The following ZBTB20 variants were observed in gnomAD, a reference collection of about 807,000 sequenced individuals.
ZBTB20 encodes the protein zinc finger and BTB domain-containing protein 20.
In ZBTB20, 9 loss-of-function variants were observed where a neutral mutation model predicts 56.9. That is an observed-to-expected ratio of 0.16 (90% CI 0.10 to 0.28). ZBTB20 has a LOEUF of 0.28. ZBTB20 is among the 10% of genes least tolerant of loss of function. ZBTB20 has a pLI of 1.00. For synonymous variants in ZBTB20, 417 were observed against 420.7 expected (o/e 0.99, Z 0.11); for missense variants, 655 against 1,003.0 (o/e 0.65, Z 4.69).
At chr3:114,368,210 GA>G (rs1043787860) in intron 10 of ZBTB20, among the ~76,000 whole-genome samples, 13 of 152,194 alleles carry the variant, frequency 8.5e-5, no homozygotes, top group African/African-American at 3.1e-4. Flanking sequence ...TGAGGAAATG[GA>G]AACATAGGGA....
rs183366375 is a variant in ZBTB20 at position 114,828,928 on chromosome 3, T to A, written c.-416-27754A>T. Among the ~76,000 whole-genome samples the A allele has an allele frequency of 9.5e-4, 145 of 152,006 alleles. 2 individuals are homozygous for A. The highest frequency in any genetic ancestry group is 2.1e-3 in the South Asian group (10 of 4,828). On this transcript the variant is annotated intron_variant, in intron 4 of 11. Coordinates refer to ENST00000675478, the MANE Select transcript of ZBTB20 (RefSeq NM_001348800.3). ...ATAGTAGCCCTTTACAATATATGAA[T>A]CTGCATAAAGATGTGTTTTAAATGC...
At chr3:115,054,994 T>C (rs987917418) in intron 2 of ZBTB20, among the ~76,000 whole-genome samples, 2 of 152,068 alleles carry the variant, frequency 1.3e-5, no homozygotes, top group Admixed American at 1.3e-4. Context: ...AAATCAAAAC[T>C]TTTATAGGAG....
At chr3:114,594,902 A>G (rs1349844848) in intron 6 of ZBTB20, among the ~76,000 whole-genome samples, 1 of 152,162 alleles carries the variant, frequency 6.6e-6, no homozygotes, top group African/African-American at 2.4e-5. Context: ...GGGGCAGGAG[A>G]GCATTTGTGT....
chr3:114,875,182 T>C (rs2076148318), intron 4 of ZBTB20, among the ~76,000 whole-genome samples: 1 of 152,136 alleles, frequency 6.6e-6, no homozygotes, highest in African/African-American at 2.4e-5. Flanking sequence ...TTTGCATAAT[T>C]AACCTGATTA....
intron 7 of ZBTB20, among the ~76,000 whole-genome samples, chr3:114,486,365 T>TAAG (rs148453927): frequency 0.01 from 1,534 of 152,208 alleles, 23 homozygotes; most frequent in African/African-American, 0.034. Flanking sequence ...TGGTTCTTTT[T>TAAG]AAGTAAATAG....
chr3:115,057,915 A>G (rs2081866794), intron 2 of ZBTB20, among the ~76,000 whole-genome samples: 1 of 152,254 alleles, frequency 6.6e-6, no homozygotes, highest in African/African-American at 2.4e-5. Flanking sequence ...ATTGACTCAC[A>G]GTTCAGCACA....
chr3:114,543,268 G>GT (rs949840865), intron 6 of ZBTB20, among the ~76,000 whole-genome samples: 17 of 143,066 alleles, frequency 1.2e-4, no homozygotes, highest in East Asian at 2.0e-4. Context: ...ATTTTTTATT[G>GT]TTTTTTTTCC....
intron 6 of ZBTB20, among the ~76,000 whole-genome samples, chr3:114,648,169 CAATT>C (rs890471409): frequency 6.6e-6 from 1 of 151,552 alleles, no homozygotes; most frequent in Non-Finnish European, 1.5e-5. Flanking sequence ...ATTGAGAAAA[CAATT>C]AATTATAATT....
intron 7 of ZBTB20, among the ~76,000 whole-genome samples, chr3:114,499,664 C>A (rs905636822): frequency 6.6e-6 from 1 of 152,114 alleles, no homozygotes; most frequent in Non-Finnish European, 1.5e-5. Context: ...TTTATTTAAA[C>A]CCATTCAGTG....
At chr3:114,615,845 C>T (rs1427838411) in intron 6 of ZBTB20, among the ~76,000 whole-genome samples, 2 of 152,198 alleles carry the variant, frequency 1.3e-5, no homozygotes, top group Non-Finnish European at 2.9e-5. Context: ...CTTGAAGTTC[C>T]TATGACTTAA....
chr3:114,586,748 C>T (rs561814403), intron 6 of ZBTB20, among the ~76,000 whole-genome samples: 1 of 152,228 alleles, frequency 6.6e-6, no homozygotes, highest in East Asian at 1.9e-4. Context: ...AGGTCCTTCA[C>T]CTGAAGTTGC....
intron 7 of ZBTB20, among the ~76,000 whole-genome samples, chr3:114,474,060 C>T (rs540578602): frequency 1.3e-5 from 2 of 152,280 alleles, no homozygotes; most frequent in South Asian, 4.1e-4. Flanking sequence ...AGGGAAACTC[C>T]CCTTTTCAAA....
At chr3:114,685,201 T>G (rs566824114) in intron 6 of ZBTB20, among the ~76,000 whole-genome samples, 2 of 152,154 alleles carry the variant, frequency 1.3e-5, no homozygotes, top group Admixed American at 1.3e-4. Context: ...AAAGCCACCA[T>G]CCAAGACAAG....
At chr3:114,865,427 T>A (rs2075726335) in intron 4 of ZBTB20, among the ~76,000 whole-genome samples, 1 of 152,146 alleles carries the variant, frequency 6.6e-6, no homozygotes, top group African/African-American at 2.4e-5. Context: ...TGGTCCTAGG[T>A]GGCAGATCTT....
intron 7 of ZBTB20, among the ~76,000 whole-genome samples, chr3:114,448,236 A>G (rs1318444726): frequency 6.6e-6 from 1 of 151,944 alleles, no homozygotes; most frequent in Non-Finnish European, 1.5e-5. Context: ...GATTATGGGG[A>G]TGTGCTTCAG....
chr3:114,844,520 C>CAAAAAAAAAAAAAAAAAAAAAAAAAAAAA lies in ZBTB20; in HGVS notation c.-416-43375_-416-43347dup, dbSNP rs71146342. On this transcript the variant is annotated intron_variant, in intron 4 of 11. Transcript: ENST00000675478. ...TGGTTGACAGAGCAAGTCCCTGTCT[C>CAAAAAAAAAAAAAAAAAAAAAAAAAAAAA]AAAAAAAAAAAAAAAAAAAAAAAAA... Among the ~76,000 whole-genome samples the CAAAAAAAAAAAAAAAAAAAAAAAAAAAAA allele has an allele frequency of 1.3e-4, 3 of 22,804 alleles. 1 individual carries two copies. Among genetic ancestry groups the CAAAAAAAAAAAAAAAAAAAAAAAAAAAAA allele is most frequent in the African/African-American group, 7.5e-4 (3 of 4,016 alleles). The allele number at this position is 22,804 out of a possible 152,430, so 15.0% of individuals were successfully genotyped here.
rs949792355 is a variant in ZBTB20, at chr3:114,916,876, G to A, written c.-455-16534C>T. On this transcript the variant is annotated intron_variant, in intron 3 of 11. Coordinates refer to ENST00000675478, the MANE Select transcript of ZBTB20 (RefSeq NM_001348800.3). ...AAATGCTTTGAGATAGTCTTCTTTA[G>A]GTTAAATCTGCTTGGTGTTCTTTAA... is the stretch of plus-strand genomic sequence containing the variant. 3.9e-5 allele frequency among the ~76,000 whole-genome samples: 6 copies of A among 152,064 alleles called. No homozygotes were observed. In the East Asian group the frequency reaches 1.2e-3, roughly 29 times the overall value.
At chr3:114,503,444 T>G (rs2044236654) in intron 6 of ZBTB20, among the ~76,000 whole-genome samples, 1 of 152,222 alleles carries the variant, frequency 6.6e-6, no homozygotes, top group Non-Finnish European at 1.5e-5. Context: ...GCTATGTAAT[T>G]CTGAGAATAT....
intron 7 of ZBTB20, among the ~76,000 whole-genome samples, chr3:114,421,932 C>T (rs570571985): frequency 8.6e-5 from 13 of 151,710 alleles, no homozygotes; most frequent in Non-Finnish European, 7.4e-5. Flanking sequence ...CACTTTGTTT[C>T]GGGCTGTATC....
Sources: allele counts gnomAD v4.1 joint callset (sites outside exome capture counted in the v4.1 genomes callset), GRCh38; gene constraint gnomAD v4.1.1; transcripts MANE v1.5; gene names NCBI Gene and HGNC (gene_info 2026-07-23, HGNC 2026-07-21).